Variants in ZNF469 observed in about 807,000 individuals in gnomAD.
ZNF469 encodes zinc finger protein 469.
A neutral mutation model predicts 1.0 loss-of-function variants in ZNF469; 1 was observed. That is an observed-to-expected ratio of 1.00 (90% CI 0.35 to 4.73). The LOEUF is 4.73. Among genes scored for constraint, ZNF469 ranks in the 30% most tolerant of loss-of-function variants. ZNF469 has a pLI of 0.16. For missense variants in ZNF469, 6,100 were observed against 5,356.3 expected (o/e 1.14, Z -4.33); for synonymous variants, 2,703 against 2,363.4 (o/e 1.14, Z -4.17).
chr16:88,381,367 CTCACACACAGAGACATGCAT>C (rs997270585), upstream of ZNF469, among the ~76,000 whole-genome samples: 79 of 148,710 alleles, frequency 5.3e-4, no homozygotes, highest in African/African-American at 1.8e-3. Context: ...CACACATGCA[CTCACACACAGAGACATGCAT>C]TCACACACAC....
At chr16:88,338,090 C>T in the ZNF469 span, among the ~76,000 whole-genome samples, 1 of 151,686 alleles carries the variant, frequency 6.6e-6, no homozygotes, top group South Asian at 2.1e-4. Context: ...TTTGCTTTCT[C>T]ACAGTGCCCC....
At chr16:88,366,127 A>G in the ZNF469 span, among the ~76,000 whole-genome samples, 1 of 151,742 alleles carries the variant, frequency 6.6e-6, no homozygotes, top group East Asian at 1.9e-4. Context: ...CACCATCATC[A>G]CCATCATCAT....
At chr16:88,256,930 C>G in the ZNF469 span, among the ~76,000 whole-genome samples, 2 of 12,082 alleles carry the variant, frequency 1.7e-4, no homozygotes, top group Non-Finnish European at 4.3e-4. Flanking sequence ...TTCTTTCTTT[C>G]TTTCTTTCTT....
the ZNF469 span, among the ~76,000 whole-genome samples, chr16:88,206,837 G>A: frequency 4.9e-5 from 3 of 60,828 alleles, 1 homozygote; most frequent in African/African-American, 1.5e-4. Flanking sequence ...GGGAGGCCGC[G>A]GGGACGGAGG....
the ZNF469 span, among the ~76,000 whole-genome samples, chr16:88,330,417 G>T: frequency 6.6e-6 from 1 of 152,254 alleles, no homozygotes; most frequent in East Asian, 1.9e-4. Flanking sequence ...GCCCATTCAG[G>T]CTCCTACCCT....
chr16:88,106,445 C>T, the ZNF469 span, among the ~76,000 whole-genome samples: 1 of 151,616 alleles, frequency 6.6e-6, no homozygotes, highest in African/African-American at 2.4e-5. Flanking sequence ...TTTGGTGTCA[C>T]CTTATTTATT....
chr16:88,228,339 G>A, the ZNF469 span, among the ~76,000 whole-genome samples: 64 of 152,364 alleles, frequency 4.2e-4, no homozygotes, highest in African/African-American at 1.5e-3. Context: ...CACACACGGC[G>A]CCTGGCATGG....
At chr16:88,366,428 T>G in the ZNF469 span, among the ~76,000 whole-genome samples, 1 of 148,698 alleles carries the variant, frequency 6.7e-6, no homozygotes, top group African/African-American at 2.5e-5. Flanking sequence ...ATCATCACTA[T>G]TGTCACCACA....
rs1458363800 is a variant in ZNF469, at chr16:88,427,938, T to A, written c.468T>A (p.Pro156=). The A allele has an allele frequency of 1.0e-5, 16 of 1,549,774 alleles. No homozygotes were observed. Among genetic ancestry groups the A allele is most frequent in the Non-Finnish European group, 1.4e-5 (16 of 1,146,858 alleles). Residue 156 remains proline (P), a synonymous_variant, in exon 3 of 3, where the codon CCT becomes CCA. Coordinates refer to ENST00000565624, the MANE Select transcript of ZNF469 (RefSeq NM_001367624.2). ...CTGAGGTGGACACCCCCCAGGGCCC[T>A]GGGACTGGAGCTCCACTCAGGCCGG... The part of the protein sequence containing the change: ...QLPEVDTPQG[P]GTGAPLRPGL...
intron 1 of ZNF469, among the ~76,000 whole-genome samples, chr16:88,393,106 C>G (rs934250727): frequency 6.6e-6 from 1 of 152,290 alleles, no homozygotes; most frequent in African/African-American, 2.4e-5. Flanking sequence ...GGAAGCTGAC[C>G]TCGTGGGCAC....
chr16:88,375,939 G>A, the ZNF469 span, among the ~76,000 whole-genome samples: 5 of 152,282 alleles, frequency 3.3e-5, no homozygotes, highest in Non-Finnish European at 7.3e-5. Flanking sequence ...CCGGACTGGA[G>A]TGGATAAGCC....
chr16:88,111,686 GA>G, the ZNF469 span, among the ~76,000 whole-genome samples: 1 of 152,124 alleles, frequency 6.6e-6, no homozygotes, highest in Non-Finnish European at 1.5e-5. Context: ...CACCAGGCTG[GA>G]GTGCAGTGGT....
the ZNF469 span, among the ~76,000 whole-genome samples, chr16:88,222,854 C>T: frequency 6.6e-6 from 1 of 152,218 alleles, no homozygotes; most frequent in East Asian, 1.9e-4. Flanking sequence ...CCACCTTGGC[C>T]TCCCAAAGTG....
chr16:88,223,017 G>T, the ZNF469 span, among the ~76,000 whole-genome samples: 3 of 152,246 alleles, frequency 2.0e-5, no homozygotes, highest in Admixed American at 2.0e-4. Context: ...CTTAAAACCT[G>T]CCACACAAGG....
the ZNF469 span, among the ~76,000 whole-genome samples, chr16:88,137,446 G>A: frequency 6.6e-6 from 1 of 152,044 alleles, no homozygotes; most frequent in Non-Finnish European, 1.5e-5. Context: ...CCGTGTGTGT[G>A]CAGCTATGCA....
chr16:88,233,019 G>A, the ZNF469 span, among the ~76,000 whole-genome samples: 39 of 152,136 alleles, frequency 2.6e-4, no homozygotes, highest in Non-Finnish European at 5.0e-4. Context: ...TTCCTCCTCC[G>A]CCAGATCCTC....
chr16:88,301,212 T>C, the ZNF469 span, among the ~76,000 whole-genome samples: 1 of 151,836 alleles, frequency 6.6e-6, no homozygotes, highest in South Asian at 2.1e-4. Context: ...TAGAGTGCAG[T>C]GGCGCCATCT....
the ZNF469 span, among the ~76,000 whole-genome samples, chr16:88,149,119 G>A: frequency 6.8e-6 from 1 of 147,512 alleles, no homozygotes; most frequent in Non-Finnish European, 1.5e-5. Context: ...AGAGTCAGAA[G>A]CTGAGCTCAC....
the ZNF469 span, among the ~76,000 whole-genome samples, chr16:88,218,203 C>T: frequency 6.8e-6 from 1 of 147,718 alleles, no homozygotes; most frequent in African/African-American, 2.5e-5. Context: ...TGATGATGAG[C>T]ATTTTTTCAT....
Sources: gnomAD v4.1 joint callset for allele counts (sites outside exome capture counted in the v4.1 genomes callset) on GRCh38, gnomAD v4.1.1 for gene constraint, MANE v1.5 for transcripts, NCBI Gene and HGNC (gene_info 2026-07-23, HGNC 2026-07-21) for gene names.